The following XCR1 variants were observed in gnomAD, a reference collection of about 807,000 sequenced individuals.
XCR1 encodes the protein X-C motif chemokine receptor 1.
For synonymous variants in XCR1, 187 were observed against 188.5 expected (o/e 0.99, Z 0.06); for missense variants, 356 against 424.2 (o/e 0.84, Z 1.41).
At chr3:46,050,975 C>T (rs1697730015) in intron 5 of XCR1, among the ~76,000 whole-genome samples, 1 of 152,160 alleles carries the variant, frequency 6.6e-6, no homozygotes, top group African/African-American at 2.4e-5. Flanking sequence ...TCTGTATGTC[C>T]TGCATTCAAT....
chr3:46,085,107 A>G lies in XCR1; in HGVS notation c.-515+687T>C, dbSNP rs576489243. Among the ~76,000 whole-genome samples the G allele has an allele frequency of 3.3e-5, 5 of 152,146 alleles. No homozygotes were observed. The East Asian group carries it at 5.8e-4, about 18-fold the overall frequency. On this transcript the variant is annotated intron_variant, in intron 1 of 5. Transcript: ENST00000683768. ...TGCTCAGCTTCTTCATTTTAGGTGG[A>G]CAGCACTTGCAGAAAACCTTGCCCC...
intron 3 of XCR1, among the ~76,000 whole-genome samples, chr3:46,068,981 A>G (rs1698121868): frequency 6.6e-6 from 1 of 152,228 alleles, no homozygotes; most frequent in Non-Finnish European, 1.5e-5. Flanking sequence ...GAGTTATTGA[A>G]AAATGAATAT....
intron 4 of XCR1, among the ~76,000 whole-genome samples, chr3:46,060,115 C>CAT (rs1697933007): frequency 6.6e-6 from 1 of 152,188 alleles, no homozygotes; most frequent in South Asian, 2.1e-4. Context: ...AAGAAATACT[C>CAT]ATATATAGTC....
At chr3:46,084,011 A>T (rs569455601) in intron 1 of XCR1, among the ~76,000 whole-genome samples, 289 of 152,344 alleles carry the variant, frequency 1.9e-3, no homozygotes, top group Non-Finnish European at 3.1e-3. Flanking sequence ...AATGCTAGAT[A>T]TCTTTCATTG....
At position 46,049,264 on chromosome 3, in the gene XCR1, A is replaced by T. The variant is rs1434553406; in HGVS notation, c.-32+4656T>A. ...CCAGGGGCATGCTGGCAAGTAGGAC[A>T]GGTTTGTGTTATAGCCCTAATATGC... On this transcript the variant is annotated intron_variant, in intron 5 of 5. Coordinates refer to the XCR1 transcript ENST00000683768. Among the ~76,000 whole-genome samples the T allele has an allele frequency of 2.0e-5, 3 of 152,218 alleles. No homozygotes were observed. In the East Asian group the frequency reaches 5.8e-4, roughly 29 times the overall value.
At chr3:46,028,123 G>A (rs1708333028), upstream of XCR1, among the ~76,000 whole-genome samples, 1 of 152,162 alleles carries the variant, frequency 6.6e-6, no homozygotes, top group Non-Finnish European at 1.5e-5. Flanking sequence ...TCTCTTTGCT[G>A]AGAGCTTTTC....
chr3:46,068,419 T>C (rs566686463), intron 3 of XCR1, among the ~76,000 whole-genome samples: 1 of 152,280 alleles, frequency 6.6e-6, no homozygotes, highest in South Asian at 2.1e-4. Flanking sequence ...TTCCTTTCCA[T>C]TGTTATGTTA....
At chr3:46,058,203 C>A (rs1211843248) in intron 4 of XCR1, among the ~76,000 whole-genome samples, 13 of 152,122 alleles carry the variant, frequency 8.5e-5, no homozygotes, top group Admixed American at 2.0e-4. Flanking sequence ...AATGAGGTGG[C>A]AAAATATTCC....
chr3:46,018,166 A>T lies in XCR1; in HGVS notation c.*2780T>A, dbSNP rs1575403112. ...CATCACTGGAAGTATAAAGAGTCAG[A>T]TATGAAACGCTCCCAGGGAGATGGC... is the stretch of plus-strand genomic sequence containing the variant. On this transcript the variant is annotated 3_prime_UTR_variant, in exon 2 of 2. Coordinates refer to ENST00000309285, the MANE Select transcript of XCR1 (RefSeq NM_001024644.2). 2 of 152,336 alleles carry T rather than the reference A, an allele frequency of 1.3e-5. No individual in the cohort carries two copies. Among genetic ancestry groups the T allele is most frequent in the East Asian group, 3.9e-4 (2 of 5,176 alleles). 9.4% of individuals were successfully genotyped at this position (152,336 alleles called of 1,614,324 possible).
Position 46,021,755 on chromosome 3 carries a change from G to A in XCR1, c.193C>T (p.Leu65Phe), listed in dbSNP as rs201298985. Residue 65 changes from leucine (L) to phenylalanine (F), a missense_variant, in exon 2 of 2, where the codon CTC becomes TTC. Leu to Phe is a conservative substitution (Grantham distance 22). Transcript: ENST00000309285. This position sits in a 1 kb window ranked among gnomAD's most constrained non-coding sequence, Gnocchi z 4.7. ...VLVKYESLES[L>F]TNIFILNLCL... is the part of the protein sequence containing the mutation. ...AGGTTGAGGATGAAGATGTTGGTGA[G>A]GGACTCCAGGCTCTCATACTTCACC... 81 of 1,614,022 alleles carry A rather than the reference G, an allele frequency of 5.0e-5. No homozygotes were observed. The highest frequency in any genetic ancestry group is 5.9e-5 in the Non-Finnish European group (70 of 1,180,032).
At chr3:46,078,950 G>A (rs1698309510) in intron 1 of XCR1, among the ~76,000 whole-genome samples, 1 of 152,176 alleles carries the variant, frequency 6.6e-6, no homozygotes, top group Non-Finnish European at 1.5e-5. Flanking sequence ...TAAAATACGG[G>A]ACTGATCGCT....
chr3:46,075,537 A>G (rs1420607738), intron 2 of XCR1, among the ~76,000 whole-genome samples: 1 of 152,146 alleles, frequency 6.6e-6, no homozygotes, highest in African/African-American at 2.4e-5. Flanking sequence ...AAGAATAGAT[A>G]AACTATTAAA....
intron 1 of XCR1, 66 bp downstream of exon 1, chr3:46,027,351 A>T (rs7623476): frequency 6.6e-6 from 1 of 151,878 alleles, no homozygotes; most frequent in East Asian, 1.9e-4. Context: ...AAGCTTAAGA[A>T]CTCCTGATAT....
At chr3:46,079,256 T>C (rs1450885690) in intron 1 of XCR1, among the ~76,000 whole-genome samples, 1 of 152,202 alleles carries the variant, frequency 6.6e-6, no homozygotes, top group East Asian at 1.9e-4. Context: ...CGGACCCATA[T>C]AGCCCAGGAT....
intron 1 of XCR1, among the ~76,000 whole-genome samples, chr3:46,081,539 A>G (rs1698362982): frequency 6.6e-6 from 1 of 152,228 alleles, no homozygotes; most frequent in African/African-American, 2.4e-5. Context: ...ATCATCAAAA[A>G]TCATGGCCTG....
At chr3:46,062,847 C>G (rs1697992043) in intron 4 of XCR1, among the ~76,000 whole-genome samples, 1 of 152,184 alleles carries the variant, frequency 6.6e-6, no homozygotes, top group South Asian at 2.1e-4. Flanking sequence ...TGGGGTGGCT[C>G]TAGTGGTGGA....
At chr3:46,022,378 G>A (rs1016513941) in intron 1 of XCR1, 3 of 162,446 alleles carry the variant, frequency 1.8e-5, no homozygotes, top group African/African-American at 7.2e-5. Context: ...AAAAGACCTG[G>A]AATGGGAAGG....
Position 46,078,138 on chromosome 3 carries a change from C to G in XCR1, c.-514-1212G>C, listed in dbSNP as rs9859291. Reference sequence around the variant, plus strand: ...CTCGCAACAAAGGCTGGATGCGGCACTCCCCAAAGCAACTTGGAAGTGTGT... The same window carrying G: ...CTCGCAACAAAGGCTGGATGCGGCAGTCCCCAAAGCAACTTGGAAGTGTGT... On this transcript the variant is annotated intron_variant, in intron 1 of 5. Coordinates refer to the XCR1 transcript ENST00000683768. Among the ~76,000 whole-genome samples, 88 of 152,154 alleles carry G rather than the reference C, an allele frequency of 5.8e-4. 1 individual carries two copies. Among genetic ancestry groups the G allele is most frequent in the Admixed American group, 9.8e-4 (15 of 15,280 alleles).
At chr3:46,045,383 T>C (rs1312250545) in intron 5 of XCR1, among the ~76,000 whole-genome samples, 1 of 151,268 alleles carries the variant, frequency 6.6e-6, no homozygotes, top group East Asian at 1.9e-4. Flanking sequence ...TGAGACTCCA[T>C]CTTGGGAAAA....
Sources: gnomAD v4.1 joint callset for allele counts (sites outside exome capture counted in the v4.1 genomes callset) on GRCh38, gnomAD v4.1.1 for gene constraint, Gnocchi (gnomAD v3.1) non-coding constraint, MANE v1.5 for transcripts, NCBI Gene and HGNC (gene_info 2026-07-23, HGNC 2026-07-21) for gene names.